Variants in MAD1L1 observed in about 807,000 individuals in gnomAD.
MAD1L1 encodes mitotic spindle assembly checkpoint protein MAD1.
Under a neutral mutation model 96.9 loss-of-function variants are expected in MAD1L1, and 95 were observed. The observed-to-expected ratio is 0.98, with a 90% confidence interval of 0.83 to 1.16. The LOEUF is 1.16. Ranked by LOEUF, MAD1L1 falls within the 50% of genes most tolerant of loss-of-function variation. The pLI is 0.00. For synonymous variants in MAD1L1, 473 were observed against 396.6 expected, an observed-to-expected ratio of 1.19 and a Z score of -2.29; for missense variants, 1,007 against 954.4, an observed-to-expected ratio of 1.06 and a Z score of -0.73.
intron 15 of MAD1L1, among the ~76,000 whole-genome samples, chr7:1,977,897 C>T (rs1309850410): frequency 6.6e-6 from 1 of 152,260 alleles, no homozygotes; most frequent in Non-Finnish European, 1.5e-5. Context: ...CTGGAAGCCA[C>T]AGCTGCAACT....
At chr7:1,882,646 T>G (rs1220481585) in intron 18 of MAD1L1, among the ~76,000 whole-genome samples, 1 of 152,158 alleles carries the variant, frequency 6.6e-6, no homozygotes, top group Non-Finnish European at 1.5e-5. Context: ...TGAGCACCTC[T>G]GAGGATGCCA....
At chr7:1,843,727 C>T (rs575233835) in intron 18 of MAD1L1, among the ~76,000 whole-genome samples, 28 of 152,272 alleles carry the variant, frequency 1.8e-4, no homozygotes, top group African/African-American at 6.7e-4. Context: ...GTCCCAGCTC[C>T]GTCTTCCTGG....
chr7:1,903,528 G>A (rs1240161842), intron 17 of MAD1L1, among the ~76,000 whole-genome samples: 1 of 145,504 alleles, frequency 6.9e-6, no homozygotes, highest in Non-Finnish European at 1.5e-5. Context: ...AGGACGCAGT[G>A]GCCTATGGAA....
At chr7:2,049,678 G>A (rs1784079993) in intron 12 of MAD1L1, among the ~76,000 whole-genome samples, 1 of 152,236 alleles carries the variant, frequency 6.6e-6, no homozygotes, top group African/African-American at 2.4e-5. Flanking sequence ...ACTGGGCACT[G>A]CCTGGCGTGG....
At chr7:2,115,711 G>A (rs1008835718) in intron 11 of MAD1L1, among the ~76,000 whole-genome samples, 1 of 152,270 alleles carries the variant, frequency 6.6e-6, no homozygotes, top group Non-Finnish European at 1.5e-5. Flanking sequence ...CACATCCAGG[G>A]AAGCCACGGC....
At chr7:1,917,334 T>A (rs559745705) in intron 17 of MAD1L1, among the ~76,000 whole-genome samples, 2 of 152,276 alleles carry the variant, frequency 1.3e-5, no homozygotes, top group Admixed American at 6.5e-5. Flanking sequence ...AGGAGCCTCA[T>A]GACAGCCTGG....
intron 10 of MAD1L1, among the ~76,000 whole-genome samples, chr7:2,161,717 G>T (rs923931410): frequency 6.7e-6 from 1 of 150,134 alleles, no homozygotes; most frequent in South Asian, 2.1e-4. Context: ...CTGCCCCGCC[G>T]CCCCGTCTGG....
At chr7:2,082,679 A>T (rs1016643030) in intron 11 of MAD1L1, among the ~76,000 whole-genome samples, 1 of 152,212 alleles carries the variant, frequency 6.6e-6, no homozygotes, top group African/African-American at 2.4e-5. Flanking sequence ...ACAAATAGTT[A>T]AAAGAAGAGG....
rs1793685111 is a variant in MAD1L1 at position 2,222,862 on chromosome 7, CGAGCA to C, written c.292-113_292-109del. ...AACATGCCGAGGCACAAAAAAGAGC[CGAGCA>C]GGACCCATGAGCCAAGTCATAGGCA... On this transcript the variant is annotated intron_variant, in intron 4 of 18. Transcript: ENST00000265854. 4.3e-6 allele frequency: 4 copies of C among 935,754 alleles called. No homozygotes were observed. The South Asian group carries it at 7.0e-5, about 16-fold the overall frequency. 58.0% of individuals were successfully genotyped at this position (935,754 alleles called of 1,614,324 possible).
chr7:1,911,857 C>A (rs1788038861), intron 17 of MAD1L1, among the ~76,000 whole-genome samples: 1 of 152,268 alleles, frequency 6.6e-6, no homozygotes, highest in Non-Finnish European at 1.5e-5. Context: ...CTGCGGCACA[C>A]ACACGCCTTT....
intron 18 of MAD1L1, among the ~76,000 whole-genome samples, chr7:1,823,150 A>G (rs1211909430): frequency 1.3e-5 from 2 of 152,140 alleles, no homozygotes; most frequent in Non-Finnish European, 2.9e-5. Flanking sequence ...AAGGCGCTTC[A>G]GTGGAGGAAG....
At chr7:2,001,880 C>G (rs1412261883) in intron 14 of MAD1L1, among the ~76,000 whole-genome samples, 185 bp downstream of exon 14, 7 of 152,256 alleles carry the variant, frequency 4.6e-5, no homozygotes, top group African/African-American at 1.4e-4. Context: ...CGCATGCCAC[C>G]TGTCACTAGT....
intron 12 of MAD1L1, among the ~76,000 whole-genome samples, chr7:2,062,401 C>G (rs1025858763): frequency 1.3e-5 from 2 of 151,950 alleles, no homozygotes; most frequent in Non-Finnish European, 2.9e-5. Flanking sequence ...ATGGTGAAAC[C>G]CTGTCTTTAC....
At chr7:2,188,473 G>C (rs543259075) in intron 10 of MAD1L1, among the ~76,000 whole-genome samples, 1 of 152,168 alleles carries the variant, frequency 6.6e-6, no homozygotes, top group African/African-American at 2.4e-5. Context: ...AAACAGTGTG[G>C]TGCTGACAGA....
chr7:1,965,810 C>A (rs1325467135), intron 15 of MAD1L1, among the ~76,000 whole-genome samples: 1 of 152,276 alleles, frequency 6.6e-6, no homozygotes, highest in East Asian at 1.9e-4. Flanking sequence ...CGGGCGTGGG[C>A]CCAACCTCCA....
intron 15 of MAD1L1, among the ~76,000 whole-genome samples, chr7:1,978,047 G>T (rs561439099): frequency 6.6e-6 from 1 of 152,242 alleles, no homozygotes; most frequent in African/African-American, 2.4e-5. Flanking sequence ...AGACCTTCCC[G>T]ATGCGCTGCT....
intron 13 of MAD1L1, among the ~76,000 whole-genome samples, chr7:2,005,078 C>T (rs535751551): frequency 3.3e-5 from 5 of 152,274 alleles, no homozygotes; most frequent in South Asian, 2.1e-4. Flanking sequence ...GCCAGGAGGA[C>T]GACCGCACGT....
intron 18 of MAD1L1, among the ~76,000 whole-genome samples, chr7:1,866,590 G>C (rs2043270821): frequency 6.6e-6 from 1 of 152,194 alleles, no homozygotes. Flanking sequence ...AGAAGCTGCT[G>C]GTGTGAGACG....
intron 10 of MAD1L1, 21 bp from the exon 11 acceptor site, chr7:2,149,259 A>T: frequency 6.3e-7 from 1 of 1,592,988 alleles, no homozygotes; most frequent in Non-Finnish European, 8.6e-7. Context: ...AACAAGGCAC[A>T]CTCAGTTCCA....
Sources: allele counts gnomAD v4.1 joint callset (sites outside exome capture counted in the v4.1 genomes callset), GRCh38; gene constraint gnomAD v4.1.1; transcripts MANE v1.5; gene names NCBI Gene and HGNC (gene_info 2026-07-23, HGNC 2026-07-21).